DCLK1: variants seen among roughly 807,000 people sequenced by gnomAD.
DCLK1 encodes the protein serine/threonine-protein kinase DCLK1.
A neutral mutation model predicts 86.2 loss-of-function variants in DCLK1; 16 were observed. The ratio of observed to expected loss-of-function variants is 0.19; its 90% CI spans 0.13 to 0.28. The LOEUF (loss-of-function observed/expected upper bound fraction) is 0.28, where lower values mean the gene tolerates loss of function less well. Among genes scored for constraint, DCLK1 ranks in the 10% least tolerant of loss-of-function variants. The pLI is 1.00. For missense variants in DCLK1, 590 were observed against 940.2 expected (o/e 0.63, Z 4.87); for synonymous variants, 369 against 370.5 (o/e 1.00, Z 0.05).
intron 3 of DCLK1, among the ~76,000 whole-genome samples, chr13:36,019,882 C>A (rs1881697083): frequency 6.6e-6 from 1 of 152,154 alleles, no homozygotes; most frequent in Non-Finnish European, 1.5e-5. Context: ...TTTAGCCTTG[C>A]AAAGTCTCAG....
At chr13:35,787,489 G>C (rs1566531559) in intron 16 of DCLK1, among the ~76,000 whole-genome samples, 1 of 151,960 alleles carries the variant, frequency 6.6e-6, no homozygotes, top group Non-Finnish European at 1.5e-5. Flanking sequence ...GAAAACGATT[G>C]GATAGAATTC....
intron 3 of DCLK1, among the ~76,000 whole-genome samples, chr13:36,062,118 G>C (rs1883572746): frequency 6.6e-6 from 1 of 151,886 alleles, no homozygotes; most frequent in East Asian, 1.9e-4. Flanking sequence ...AATAAATGTG[G>C]GTGTTCCCAT....
At chr13:35,785,651 GC>G (rs1368329666) in intron 16 of DCLK1, among the ~76,000 whole-genome samples, 6 of 152,174 alleles carry the variant, frequency 3.9e-5, no homozygotes, top group African/African-American at 1.4e-4. Flanking sequence ...GGTTTTCCCA[GC>G]CTGTGCCCTC....
At chr13:35,836,512 G>A (rs933959215) in intron 7 of DCLK1, among the ~76,000 whole-genome samples, 2 of 152,150 alleles carry the variant, frequency 1.3e-5, no homozygotes, top group Non-Finnish European at 2.9e-5. Flanking sequence ...CATGTATGGC[G>A]CAGGAGGCAA....
intron 3 of DCLK1, among the ~76,000 whole-genome samples, chr13:36,040,367 A>G (rs1208253800): frequency 2.6e-5 from 1 of 39,008 alleles, no homozygotes; most frequent in African/African-American, 1.3e-4. Context: ...ATTCCTCCAT[A>G]GGAATACCCT....
chr13:36,120,758 C>T (rs1472569650), intron 2 of DCLK1, among the ~76,000 whole-genome samples: 1 of 151,994 alleles, frequency 6.6e-6, no homozygotes, highest in African/African-American at 2.4e-5. Flanking sequence ...CCTTTAAACA[C>T]ATGAAAAGAT....
rs572711663 is a variant in DCLK1, at chr13:36,015,335, G to T, written c.724-67878C>A. On this transcript the variant is annotated intron_variant, in intron 3 of 16. Transcript: ENST00000360631. ...GCCTCAGTGATGAAGAAGGAAGGGGGAATCACCCAAAGCTGTTTTGCAGTA... is the reference window on the plus strand; with the variant it reads ...GCCTCAGTGATGAAGAAGGAAGGGGTAATCACCCAAAGCTGTTTTGCAGTA... Among the ~76,000 whole-genome samples the T allele has an allele frequency of 1.4e-3, 211 of 152,226 alleles. 3 individuals are homozygous for T. The highest frequency in any genetic ancestry group is 4.9e-3 in the African/African-American group (203 of 41,530).
At chr13:36,093,368 G>T (rs142794899) in intron 3 of DCLK1, among the ~76,000 whole-genome samples, 1 of 152,198 alleles carries the variant, frequency 6.6e-6, no homozygotes, top group African/African-American at 2.4e-5. Flanking sequence ...ATCTGTGAAA[G>T]GATATTTGCT....
At chr13:35,854,672 TAAAC>T (rs1011525925) in intron 5 of DCLK1, 79 bp from the exon 6 acceptor site, 5 of 1,292,160 alleles carry the variant, frequency 3.9e-6, no homozygotes, top group East Asian at 2.5e-5. Context: ...CTGCAAGAAA[TAAAC>T]AATTATATAG....
At chr13:35,809,308 A>G (rs2087094892) in intron 12 of DCLK1, among the ~76,000 whole-genome samples, 1 of 152,224 alleles carries the variant, frequency 6.6e-6, no homozygotes, top group African/African-American at 2.4e-5. Context: ...AAGGTGCAGG[A>G]ATAAAAATCA....
chr13:35,889,177 A>G (rs1297546545), intron 4 of DCLK1, among the ~76,000 whole-genome samples: 1 of 152,238 alleles, frequency 6.6e-6, no homozygotes, highest in African/African-American at 2.4e-5. Context: ...ATGGTCTCTT[A>G]GCAACAGCAG....
intron 2 of DCLK1, among the ~76,000 whole-genome samples, chr13:36,116,322 T>G (rs1453902540): frequency 6.6e-6 from 1 of 152,208 alleles, no homozygotes; most frequent in African/African-American, 2.4e-5. Context: ...TAAGATTTAT[T>G]ATTTTAAAAA....
At chr13:35,824,981 C>G (rs2087485176) in intron 10 of DCLK1, among the ~76,000 whole-genome samples, 1 of 152,150 alleles carries the variant, frequency 6.6e-6, no homozygotes, top group Non-Finnish European at 1.5e-5. Context: ...CTCTCAGGGC[C>G]CAGCTGCAGG....
intron 3 of DCLK1, among the ~76,000 whole-genome samples, chr13:35,959,275 T>C (rs1467126274): frequency 6.6e-6 from 1 of 152,126 alleles, no homozygotes; most frequent in Non-Finnish European, 1.5e-5. Context: ...CCACAAAGCA[T>C]GAACTAAGGC....
chr13:35,926,545 T>A (rs1479633240), intron 4 of DCLK1, among the ~76,000 whole-genome samples: 1 of 152,228 alleles, frequency 6.6e-6, no homozygotes, highest in Non-Finnish European at 1.5e-5. Context: ...CACCACAAGC[T>A]AGCATCCCCC....
intron 3 of DCLK1, among the ~76,000 whole-genome samples, chr13:35,973,045 C>A (rs753233009): frequency 6.6e-6 from 1 of 152,138 alleles, no homozygotes; most frequent in Non-Finnish European, 1.5e-5. Flanking sequence ...GGGCCCACAG[C>A]AGAGGAGCTT....
intron 3 of DCLK1, among the ~76,000 whole-genome samples, chr13:36,071,239 AT>A (rs1384305527): frequency 6.6e-6 from 1 of 152,162 alleles, no homozygotes; most frequent in African/African-American, 2.4e-5. Flanking sequence ...AACTCCAAAA[AT>A]ATACTAAGAT....
intron 3 of DCLK1, among the ~76,000 whole-genome samples, chr13:36,109,321 T>G (rs1418880679): frequency 6.6e-6 from 1 of 152,230 alleles, no homozygotes; most frequent in African/African-American, 2.4e-5. Context: ...CAGATGATAT[T>G]CTTTGGACAA....
intron 3 of DCLK1, among the ~76,000 whole-genome samples, chr13:36,045,183 T>C (rs1882835471): frequency 6.7e-6 from 1 of 149,294 alleles, no homozygotes; most frequent in Non-Finnish European, 1.5e-5. Flanking sequence ...GACCCTGCCA[T>C]TAACATTTTA....
Sources: allele counts gnomAD v4.1 joint callset (sites outside exome capture counted in the v4.1 genomes callset), GRCh38; gene constraint gnomAD v4.1.1; transcripts MANE v1.5; gene names NCBI Gene and HGNC (gene_info 2026-07-23, HGNC 2026-07-21).